FBXL7: variants seen among roughly 807,000 people sequenced by gnomAD.
FBXL7 encodes the protein F-box and leucine rich repeat protein 7, also known as F-box/LRR-repeat protein 7.
A neutral mutation model predicts 38.3 loss-of-function variants in FBXL7; 12 were observed. The observed-to-expected ratio is 0.31, with a 90% CI of 0.20 to 0.51. The LOEUF (loss-of-function observed/expected upper bound fraction) is 0.51, where lower values mean the gene tolerates loss of function less well. FBXL7 is among the 20% of genes least tolerant of loss of function. The probability of loss-of-function intolerance (pLI) is 0.98; values close to 1 mark genes in which losing one functional copy is unlikely to be tolerated. For missense variants in FBXL7, 567 were observed against 676.4 expected (o/e 0.84, Z 1.79); for synonymous variants, 297 against 300.9 (o/e 0.99, Z 0.13).
chr5:15,749,746 T>C (rs1050389759), intron 2 of FBXL7, among the ~76,000 whole-genome samples: 2 of 152,214 alleles, frequency 1.3e-5, no homozygotes, highest in African/African-American at 2.4e-5. Context: ...ATGTAATGCA[T>C]TGGATTATAT....
intron 2 of FBXL7, among the ~76,000 whole-genome samples, chr5:15,890,255 T>G (rs1468823809): frequency 1.3e-5 from 2 of 151,934 alleles, no homozygotes. Flanking sequence ...ATTCTTTTTG[T>G]TTTTTTGTTT....
intron 2 of FBXL7, among the ~76,000 whole-genome samples, chr5:15,660,133 C>T (rs1742012563): frequency 6.6e-6 from 1 of 152,190 alleles, no homozygotes; most frequent in African/African-American, 2.4e-5. Context: ...CCATCAGCAA[C>T]GGTGTCCCCT....
intron 2 of FBXL7, among the ~76,000 whole-genome samples, chr5:15,637,150 T>G (rs75828888): frequency 0.05 from 7,619 of 152,134 alleles, 302 homozygotes; most frequent in African/African-American, 0.094. Context: ...GAAAAAATAA[T>G]GATAGCAAAG....
chr5:15,917,635 A>T, intron 2 of FBXL7, among the ~76,000 whole-genome samples: 1 of 102,342 alleles, frequency 9.8e-6, no homozygotes, highest in Admixed American at 1.3e-4. Context: ...AAGAAAGTAA[A>T]GGAAGGGAGG....
At chr5:15,921,844 A>G (rs1488888966) in intron 2 of FBXL7, among the ~76,000 whole-genome samples, 3 of 152,210 alleles carry the variant, frequency 2.0e-5, no homozygotes, top group African/African-American at 7.2e-5. Flanking sequence ...ACAAGAGATA[A>G]TAAGTGTGAC....
intron 2 of FBXL7, among the ~76,000 whole-genome samples, chr5:15,676,257 GT>G (rs1310156791): frequency 6.6e-6 from 1 of 152,166 alleles, no homozygotes; most frequent in Non-Finnish European, 1.5e-5. Flanking sequence ...CTTTGTAGAT[GT>G]TTTTTAAGTA....
At chr5:15,788,446 A>G (rs1044781745) in intron 2 of FBXL7, among the ~76,000 whole-genome samples, 23 of 152,184 alleles carry the variant, frequency 1.5e-4, no homozygotes, top group Admixed American at 1.4e-3. Flanking sequence ...AGAGAAAACA[A>G]CGGAAGAAAA....
At chr5:15,506,307 C>T (rs1245545658) in intron 1 of FBXL7, among the ~76,000 whole-genome samples, 1 of 151,938 alleles carries the variant, frequency 6.6e-6, no homozygotes, top group Non-Finnish European at 1.5e-5. Flanking sequence ...TTCCGTGACT[C>T]CAGGGCAGGA....
chr5:15,750,663 G>A (rs539931326), intron 2 of FBXL7, among the ~76,000 whole-genome samples: 1 of 152,204 alleles, frequency 6.6e-6, no homozygotes, highest in South Asian at 2.1e-4. Context: ...GGCCATGTCA[G>A]TCAAAAGGTT....
chr5:15,556,037 AC>A (rs1738226876), intron 1 of FBXL7, among the ~76,000 whole-genome samples: 1 of 151,206 alleles, frequency 6.6e-6, no homozygotes, highest in Admixed American at 6.6e-5. Context: ...TCTATCATCT[AC>A]TTATCATCTA....
chr5:15,845,408 A>G (rs1431976452), intron 2 of FBXL7, among the ~76,000 whole-genome samples: 1 of 152,078 alleles, frequency 6.6e-6, no homozygotes, highest in African/African-American at 2.4e-5. Flanking sequence ...TCCCCTTTAC[A>G]TACTAACCAA....
intron 2 of FBXL7, among the ~76,000 whole-genome samples, chr5:15,898,273 C>T (rs1741151688): frequency 2.0e-5 from 3 of 152,072 alleles, no homozygotes; most frequent in Admixed American, 6.5e-5. Flanking sequence ...TCTGGTGGGA[C>T]GAAAATGTCT....
At chr5:15,905,864 G>A (rs114374160) in intron 2 of FBXL7, among the ~76,000 whole-genome samples, 2,677 of 151,936 alleles carry the variant, frequency 0.018, 46 homozygotes, top group East Asian at 0.077. Context: ...CCTCCTCTTC[G>A]ACCCCAACCC....
chr5:15,753,679 A>G (rs1444710690), intron 2 of FBXL7, among the ~76,000 whole-genome samples: 1 of 152,204 alleles, frequency 6.6e-6, no homozygotes, highest in Admixed American at 6.5e-5. Context: ...AGACATAGTG[A>G]GGTACTTTGA....
chr5:15,655,330 T>A (rs2126576112), intron 2 of FBXL7, among the ~76,000 whole-genome samples: 1 of 152,140 alleles, frequency 6.6e-6, no homozygotes, highest in African/African-American at 2.4e-5. Flanking sequence ...ACCCTGTGTC[T>A]ACTAAAAATA....
chr5:15,936,314 G>A lies in FBXL7; in HGVS notation c.740-136G>A. 1 of 997,622 alleles carries A rather than the reference G, an allele frequency of 1.0e-6. No individual in the cohort carries two copies. The allele number at this position is 997,622 out of a possible 1,614,324, so 61.8% of individuals were successfully genotyped here. On this transcript the variant is annotated intron_variant, in intron 3 of 3. Coordinates refer to ENST00000504595, the MANE Select transcript of FBXL7 (RefSeq NM_012304.5). This position sits in a 1 kb window ranked among gnomAD's most constrained non-coding sequence, Gnocchi z 6.0. ...CCCATTCTTGCATTTCCTCTCTATA[G>A]AGACCAAGACAGGAAAGGGTAACAT...
At chr5:15,635,385 C>A (rs999669945) in intron 2 of FBXL7, among the ~76,000 whole-genome samples, 3 of 152,040 alleles carry the variant, frequency 2.0e-5, no homozygotes, top group Non-Finnish European at 2.9e-5. Context: ...TCTAAGAGAC[C>A]GAAAGTGGAA....
At chr5:15,517,788 C>A (rs966575856) in intron 1 of FBXL7, among the ~76,000 whole-genome samples, 40 of 152,322 alleles carry the variant, frequency 2.6e-4, no homozygotes, top group African/African-American at 8.7e-4. Context: ...TAATTTAACT[C>A]ACGGCCTGGA....
intron 1 of FBXL7, among the ~76,000 whole-genome samples, chr5:15,590,101 T>G (rs1048095472): frequency 3.3e-5 from 5 of 152,170 alleles, no homozygotes; most frequent in African/African-American, 4.8e-5. Context: ...TAGGAAGATA[T>G]GCTTGGAAGA....
Sources: allele counts gnomAD v4.1 joint callset (sites outside exome capture counted in the v4.1 genomes callset), GRCh38; gene constraint gnomAD v4.1.1; non-coding constraint Gnocchi (gnomAD v3.1); transcripts MANE v1.5; gene names NCBI Gene and HGNC (gene_info 2026-07-23, HGNC 2026-07-21).